GALNTL6: variants seen among roughly 807,000 people sequenced by gnomAD.
GALNTL6 encodes polypeptide N-acetylgalactosaminyltransferase like 6.
GALNTL6 carries 46 observed loss-of-function variants against 73.7 expected under a neutral mutation model. The ratio of observed to expected loss-of-function variants is 0.62; its 90% CI spans 0.49 to 0.80. GALNTL6 has a LOEUF of 0.80. Ranked by LOEUF, GALNTL6 falls within the 30% of genes least tolerant of loss-of-function variation. The pLI is 0.00. For missense variants in GALNTL6, 604 were observed against 755.0 expected, an observed-to-expected ratio of 0.80 and a Z score of 2.34; for synonymous variants, 259 against 263.7, an observed-to-expected ratio of 0.98 and a Z score of 0.17.
At chr4:171,827,908 T>C (rs1422846226) in intron 2 of GALNTL6, among the ~76,000 whole-genome samples, 1 of 152,048 alleles carries the variant, frequency 6.6e-6, no homozygotes, top group Non-Finnish European at 1.5e-5. Flanking sequence ...TTCAGAAAAT[T>C]TGAAAAAAGC....
intron 5 of GALNTL6, among the ~76,000 whole-genome samples, chr4:172,538,416 C>T (rs113212662): frequency 1.2e-4 from 18 of 152,032 alleles, no homozygotes; most frequent in African/African-American, 3.4e-4. Context: ...GCCAAGATTG[C>T]GCCACTGCAC....
At chr4:172,632,650 C>T (rs1018808890) in intron 5 of GALNTL6, among the ~76,000 whole-genome samples, 2 of 152,090 alleles carry the variant, frequency 1.3e-5, no homozygotes, top group Non-Finnish European at 2.9e-5. Flanking sequence ...GAAATTCAAG[C>T]CAGCTGCAAA....
At chr4:172,638,827 A>C (rs1739822005) in intron 5 of GALNTL6, among the ~76,000 whole-genome samples, 1 of 152,098 alleles carries the variant, frequency 6.6e-6, no homozygotes, top group African/African-American at 2.4e-5. Context: ...CTTGCCTCTA[A>C]TTTGGGACAG....
chr4:172,573,277 A>C (rs994974329), intron 5 of GALNTL6, among the ~76,000 whole-genome samples: 1 of 152,168 alleles, frequency 6.6e-6, no homozygotes, highest in African/African-American at 2.4e-5. Flanking sequence ...AATAACCATG[A>C]AATAGCCATG....
intron 8 of GALNTL6, among the ~76,000 whole-genome samples, chr4:172,897,581 C>G (rs1746396881): frequency 6.6e-6 from 1 of 152,132 alleles, no homozygotes; most frequent in Non-Finnish European, 1.5e-5. Context: ...GGGCTATAAC[C>G]AAGTTCCTTG....
chr4:172,198,556 A>G (rs1433341322), intron 2 of GALNTL6, among the ~76,000 whole-genome samples: 1 of 152,192 alleles, frequency 6.6e-6, no homozygotes, highest in Non-Finnish European at 1.5e-5. Context: ...AACCAAAATG[A>G]GATACCACCA....
intron 3 of GALNTL6, among the ~76,000 whole-genome samples, chr4:172,307,997 TTTTAAC>T (rs1740204703): frequency 8.0e-6 from 1 of 124,452 alleles, no homozygotes; most frequent in Non-Finnish European, 1.7e-5. Flanking sequence ...ATGGGATGTG[TTTTAAC>T]TTTTTTTTTT....
intron 5 of GALNTL6, among the ~76,000 whole-genome samples, chr4:172,421,324 A>G (rs894211385): frequency 3.9e-5 from 6 of 152,122 alleles, no homozygotes; most frequent in African/African-American, 1.4e-4. Flanking sequence ...CAGATAATTA[A>G]TATAAAGTAG....
chr4:173,013,200 CAGCCTGGG>C lies in GALNTL6; in HGVS notation c.1488+3910_1488+3917del, dbSNP rs201516819. 6.4e-4 allele frequency among the ~76,000 whole-genome samples: 98 copies of C among 152,298 alleles called. No individual in the cohort carries two copies. The East Asian group carries it at 0.014, about 22-fold the overall frequency. ...TAACTCCAACAAGCAATTCTGACTT[CAGCCTGGG>C]AGCAAGAGAGAAGGCTTTAGAAGCT... On this transcript the variant is annotated intron_variant, in intron 11 of 12. Transcript: ENST00000506823.
intron 10 of GALNTL6, among the ~76,000 whole-genome samples, chr4:173,008,257 C>T (rs769242360): frequency 2.0e-5 from 3 of 152,198 alleles, no homozygotes; most frequent in Non-Finnish European, 4.4e-5. Flanking sequence ...ATCTCTCTCC[C>T]GCTAGCATGA....
chr4:172,443,018 T>A (rs1020165074), intron 5 of GALNTL6, among the ~76,000 whole-genome samples: 4 of 150,410 alleles, frequency 2.7e-5, no homozygotes, highest in Non-Finnish European at 5.9e-5. Context: ...AAAAATATTT[T>A]GGTCTTTTTC....
intron 4 of GALNTL6, among the ~76,000 whole-genome samples, chr4:172,345,684 C>CTA (rs1741716638): frequency 6.6e-6 from 1 of 152,070 alleles, no homozygotes; most frequent in Admixed American, 6.6e-5. Flanking sequence ...TTGCCTATGT[C>CTA]TAAGTTTAGG....
At chr4:172,647,814 A>G (rs373428763) in intron 5 of GALNTL6, among the ~76,000 whole-genome samples, 2 of 152,128 alleles carry the variant, frequency 1.3e-5, no homozygotes, top group South Asian at 2.1e-4. Context: ...AGGTAGGTCA[A>G]TCTCCCAGTG....
intron 5 of GALNTL6, among the ~76,000 whole-genome samples, chr4:172,482,798 G>A (rs945580638): frequency 2.0e-5 from 3 of 152,078 alleles, no homozygotes; most frequent in Non-Finnish European, 2.9e-5. Context: ...CAAGAATGTC[G>A]TCCTAATCAT....
chr4:171,971,975 T>A (rs1739584541), intron 2 of GALNTL6, among the ~76,000 whole-genome samples: 1 of 152,110 alleles, frequency 6.6e-6, no homozygotes, highest in East Asian at 1.9e-4. Context: ...GGGGAGAGAC[T>A]TGGGCCTTCC....
intron 5 of GALNTL6, among the ~76,000 whole-genome samples, chr4:172,719,442 G>A (rs1057494180): frequency 2.0e-5 from 3 of 152,016 alleles, no homozygotes; most frequent in African/African-American, 7.2e-5. Flanking sequence ...GATAATTGAA[G>A]CAATGTATAT....
At chr4:172,963,000 A>G (rs1579715287) in intron 10 of GALNTL6, among the ~76,000 whole-genome samples, 2 of 152,100 alleles carry the variant, frequency 1.3e-5, no homozygotes, top group Admixed American at 6.6e-5. Flanking sequence ...ACTGGCTGCC[A>G]TCTATTTCTA....
chr4:172,656,030 G>C (rs1489512556), intron 5 of GALNTL6, among the ~76,000 whole-genome samples: 3 of 152,170 alleles, frequency 2.0e-5, no homozygotes, highest in Non-Finnish European at 4.4e-5. Context: ...TAATGCTATT[G>C]CATTGTCATT....
chr4:172,703,328 A>G (rs1273919984), intron 5 of GALNTL6, among the ~76,000 whole-genome samples: 2 of 151,862 alleles, frequency 1.3e-5, no homozygotes, highest in Non-Finnish European at 2.9e-5. Context: ...TTACCTATGG[A>G]TTTTTCATAT....
Sources: gnomAD v4.1 joint callset for allele counts (sites outside exome capture counted in the v4.1 genomes callset) on GRCh38, gnomAD v4.1.1 for gene constraint, MANE v1.5 for transcripts, NCBI Gene and HGNC (gene_info 2026-07-23, HGNC 2026-07-21) for gene names.